Variants in FOXP1 observed in about 807,000 individuals in gnomAD.
FOXP1 encodes the protein forkhead box P1.
In FOXP1, 15 loss-of-function variants were observed where a neutral mutation model predicts 98.2. The ratio of observed to expected loss-of-function variants is 0.15; its 90% CI spans 0.10 to 0.24. FOXP1 has a LOEUF of 0.24. Ranked by LOEUF, FOXP1 falls within the 10% of genes least tolerant of loss-of-function variation. The pLI is 1.00. For missense variants in FOXP1, 633 were observed against 848.5 expected (o/e 0.75, Z 3.15); for synonymous variants, 371 against 314.5 (o/e 1.18, Z -1.90).
chr3:71,077,512 G>C (rs2053921980), intron 7 of FOXP1, among the ~76,000 whole-genome samples: 1 of 152,096 alleles, frequency 6.6e-6, no homozygotes. Context: ...TTTTTAACAG[G>C]AACGCACATA....
At chr3:71,362,729 C>G (rs2107922354) in intron 3 of FOXP1, among the ~76,000 whole-genome samples, 1 of 152,320 alleles carries the variant, frequency 6.6e-6, no homozygotes, top group Non-Finnish European at 1.5e-5. Flanking sequence ...CTTTGTCTCC[C>G]AAAGTGCTGG....
intron 3 of FOXP1, among the ~76,000 whole-genome samples, chr3:71,460,541 A>G (rs1295797923): frequency 6.6e-6 from 1 of 151,938 alleles, no homozygotes; most frequent in Non-Finnish European, 1.5e-5. Context: ...AGTTCAAGGA[A>G]TTCTCTTGCC....
intron 4 of FOXP1, among the ~76,000 whole-genome samples, chr3:71,357,992 T>A (rs1414204096): frequency 6.6e-6 from 1 of 152,220 alleles, no homozygotes; most frequent in African/African-American, 2.4e-5. Flanking sequence ...GGGATTCTGA[T>A]TAACCCTCTA....
intron 3 of FOXP1, among the ~76,000 whole-genome samples, chr3:71,361,939 G>A (rs763147896): frequency 4.6e-5 from 7 of 152,112 alleles, no homozygotes; most frequent in Non-Finnish European, 7.4e-5. Context: ...AACCAACCTC[G>A]TCCAAGCAAT....
intron 4 of FOXP1, among the ~76,000 whole-genome samples, chr3:71,330,304 A>G (rs865966408): frequency 2.0e-5 from 3 of 152,306 alleles, no homozygotes; most frequent in Middle Eastern, 3.4e-3. Context: ...CTTTCTTGTG[A>G]TTTTAATCTT....
At chr3:71,318,367 C>T (rs189517860) in intron 4 of FOXP1, among the ~76,000 whole-genome samples, 6 of 152,158 alleles carry the variant, frequency 3.9e-5, no homozygotes, top group South Asian at 2.1e-4. Context: ...CCTGAATAAA[C>T]GAAAATAACA....
At chr3:71,025,715 T>C (rs760056355) in intron 11 of FOXP1, among the ~76,000 whole-genome samples, 1 of 152,244 alleles carries the variant, frequency 6.6e-6, no homozygotes, top group Non-Finnish European at 1.5e-5. Context: ...ACACCAATTT[T>C]ACATCAGCAC....
intron 3 of FOXP1, among the ~76,000 whole-genome samples, chr3:71,401,385 T>C (rs964518908): frequency 7.2e-5 from 11 of 152,178 alleles, no homozygotes; most frequent in Admixed American, 5.9e-4. Flanking sequence ...AGGGTATCAA[T>C]TGGTGTGGAT....
At chr3:71,051,900 C>A (rs760660875) in intron 9 of FOXP1, among the ~76,000 whole-genome samples, 4 of 152,146 alleles carry the variant, frequency 2.6e-5, no homozygotes, top group Admixed American at 6.5e-5. Context: ...CACTACCAAG[C>A]GTGGTGCATA....
At chr3:71,416,613 G>A (rs2108303267) in intron 3 of FOXP1, among the ~76,000 whole-genome samples, 1 of 150,512 alleles carries the variant, frequency 6.6e-6, no homozygotes, top group South Asian at 2.1e-4. Flanking sequence ...AATGACGTAT[G>A]GTCAGATAGG....
chr3:71,461,673 C>T (rs554424603), intron 3 of FOXP1, among the ~76,000 whole-genome samples: 14 of 151,994 alleles, frequency 9.2e-5, no homozygotes, highest in African/African-American at 2.9e-4. Flanking sequence ...TGGTGACAGG[C>T]GCCTGTAATC....
intron 7 of FOXP1, among the ~76,000 whole-genome samples, chr3:71,079,961 A>T (rs954643425): frequency 1.3e-5 from 2 of 152,250 alleles, no homozygotes; most frequent in African/African-American, 4.8e-5. Context: ...ACCAGCATTT[A>T]AAAATAATGC....
intron 3 of FOXP1, among the ~76,000 whole-genome samples, chr3:71,394,867 G>A (rs1267360950): frequency 3.3e-5 from 5 of 152,040 alleles, no homozygotes; most frequent in East Asian, 1.9e-4. Flanking sequence ...TTGGGAGGCC[G>A]AGACGGGCAG....
intron 3 of FOXP1, among the ~76,000 whole-genome samples, chr3:71,396,931 T>C (rs192067158): frequency 0.036 from 3,352 of 93,634 alleles, 432 homozygotes; most frequent in African/African-American, 0.067. Context: ...TATATATATA[T>C]ATACACATAT....
At chr3:71,164,083 T>C (rs2061282262) in intron 6 of FOXP1, among the ~76,000 whole-genome samples, 1 of 152,066 alleles carries the variant, frequency 6.6e-6, no homozygotes, top group Non-Finnish European at 1.5e-5. Context: ...AGAAACAGAG[T>C]TGGTTCCAAA....
At chr3:71,580,682 G>A (rs2048096116) in intron 2 of FOXP1, 12 of 539,910 alleles carry the variant, frequency 2.2e-5, no homozygotes, top group Non-Finnish European at 2.8e-5. Context: ...GGGGGTGGGG[G>A]AAAGGGGATG....
intron 6 of FOXP1, among the ~76,000 whole-genome samples, chr3:71,170,165 A>G (rs1315973434): frequency 2.0e-5 from 3 of 152,178 alleles, no homozygotes; most frequent in Non-Finnish European, 4.4e-5. Flanking sequence ...TCCTAATAAT[A>G]CTTTCAAGGC....
At position 71,395,335 on chromosome 3, in the gene FOXP1, G is replaced by A. The variant is rs2081307566; in HGVS notation, c.-167-36091C>T. Among the ~76,000 whole-genome samples the A allele has an allele frequency of 2.0e-5, 3 of 149,168 alleles. No homozygotes were observed. In the South Asian group the frequency reaches 6.5e-4, roughly 32 times the overall value. On this transcript the variant is annotated intron_variant, in intron 3 of 20. Coordinates refer to ENST00000649528, the MANE Select transcript of FOXP1 (RefSeq NM_001349338.3). ...AGGCCCCAACTAGTTCTGCTGCCTT[G>A]AGTGTTTCTGCTCTCCATCTTGTAT...
intron 6 of FOXP1, among the ~76,000 whole-genome samples, chr3:71,117,592 A>G (rs888992808): frequency 5.3e-5 from 8 of 152,150 alleles, no homozygotes; most frequent in African/African-American, 1.9e-4. Context: ...GGAGAGGGCA[A>G]GCAGCAGAAA....
Sources: allele counts gnomAD v4.1 joint callset (sites outside exome capture counted in the v4.1 genomes callset), GRCh38; gene constraint gnomAD v4.1.1; transcripts MANE v1.5; gene names NCBI Gene and HGNC (gene_info 2026-07-23, HGNC 2026-07-21).